Variants in ANPEP observed in about 807,000 individuals in gnomAD.
ANPEP encodes the protein aminopeptidase N.
A neutral mutation model predicts 114.6 loss-of-function variants in ANPEP; 70 were observed. The observed-to-expected ratio is 0.61, with a 90% CI of 0.50 to 0.75. ANPEP has a LOEUF of 0.75. Ranked by LOEUF, ANPEP falls within the 30% of genes least tolerant of loss-of-function variation. The pLI, the probability that ANPEP is intolerant of heterozygous loss-of-function variation, is 0.00. For missense variants in ANPEP, 1,184 were observed against 1,259.5 expected (o/e 0.94, Z 0.91); for synonymous variants, 548 against 522.3 (o/e 1.05, Z -0.67).
At chr15:89,805,267 C>G (rs755439555) in intron 3 of ANPEP, 50 bp from the exon 4 acceptor site, 1 of 1,613,162 alleles carries the variant, frequency 6.2e-7, no homozygotes, top group South Asian at 1.1e-5. Flanking sequence ...GCCCCACACC[C>G]CAGCCCAGGG....
intron 14 of ANPEP, among the ~76,000 whole-genome samples, chr15:89,798,125 C>A (rs1007733593): frequency 6.6e-6 from 1 of 152,242 alleles, no homozygotes; most frequent in African/African-American, 2.4e-5. Flanking sequence ...TTTCTGGGCA[C>A]TCTAGGCCTT....
At chr15:89,805,858 G>C (rs1048626528) in intron 2 of ANPEP, 112 bp downstream of exon 2, 1 of 1,416,196 alleles carries the variant, frequency 7.1e-7, no homozygotes, top group Non-Finnish European at 9.5e-7. Flanking sequence ...GGCCAGTCTC[G>C]GGCTCCACAG....
rs1555442929 is a variant in ANPEP, at chr15:89,813,997, G to GC, written c.-224+774_-224+775insG. Among the ~76,000 whole-genome samples, 6 of 125,116 alleles carry GC rather than the reference G, an allele frequency of 4.8e-5. No homozygotes were observed. In the East Asian group the frequency reaches 3.5e-3, roughly 72 times the overall value. 82.1% of individuals were successfully genotyped at this position (125,116 alleles called of 152,430 possible). ...TCCCTGCCCACCGCACTGCTGGGGG[G>GC]GGGGGGTGCGTTCTGGAGTCATTTG... On this transcript the variant is annotated intron_variant, in intron 1 of 20. Coordinates refer to ENST00000300060, the MANE Select transcript of ANPEP (RefSeq NM_001150.3).
chr15:89,785,485 T>G lies in ANPEP; in HGVS notation c.2768A>C (p.Lys923Thr), dbSNP rs373721139. 3 of 1,613,900 alleles carry G rather than the reference T, an allele frequency of 1.9e-6. No individual in the cohort carries two copies. Among genetic ancestry groups the G allele is most frequent in the Non-Finnish European group, 2.5e-6 (3 of 1,179,894 alleles). ...YELQQLEQFK[K>T]DNEETGFGSG... ...GCCGAAGCCTGTTTCCTCGTTGTCC[T>G]TCTTGAACTGCTCCAGCTGCCAGAA... The change falls in exon 21 of 21, where the codon AAG becomes ACG. Residue 923 changes from lysine to threonine, a missense_variant. Transcript: ENST00000300060.
chr15:89,797,186 A>G (rs371980923), intron 15 of ANPEP, among the ~76,000 whole-genome samples: 2 of 152,358 alleles, frequency 1.3e-5, no homozygotes, highest in Admixed American at 6.5e-5. Flanking sequence ...GGGTTGCCCA[A>G]GGCCACACAG....
In ANPEP at chr15:89,803,943, G is replaced by C; in HGVS notation, c.1239C>G (p.Phe413Leu). Residue 413 changes from phenylalanine to leucine, a missense_variant, in exon 7 of 21, where the codon TTC (phenylalanine) becomes TTG (leucine). Coordinates refer to ENST00000300060, the MANE Select transcript of ANPEP (RefSeq NM_001150.3). The surrounding 1 kb of genome is among the most constrained non-coding windows in gnomAD (Gnocchi z 4.2). ...CACCCAGGTACTCCACGTAGGAGGCGAAGCCCTCGTTCAGCCACAGGTCAT... is the reference window on the plus strand; with the variant it reads ...CACCCAGGTACTCCACGTAGGAGGCCAAGCCCTCGTTCAGCCACAGGTCAT... Reference protein sequence around the residue: ...WWNDLWLNEGFASYVEYLGAD... With the variant: ...WWNDLWLNEGLASYVEYLGAD... The C allele has an allele frequency of 6.2e-7, 1 of 1,614,158 alleles. No homozygotes were observed. The highest frequency in any genetic ancestry group is 8.5e-7 in the Non-Finnish European group (1 of 1,180,026).
Position 89,785,151 on chromosome 15 carries a change from G to C in ANPEP, c.*198C>G, listed in dbSNP as rs1248387916. Reference sequence around the variant, plus strand: ...GGCGGGGTTGGCATGAGGGGCAGGGGCTGGGAGGTGCTCAGGCAGCCTGGG... The same window carrying C: ...GGCGGGGTTGGCATGAGGGGCAGGGCCTGGGAGGTGCTCAGGCAGCCTGGG... On this transcript the variant is annotated 3_prime_UTR_variant, in exon 21 of 21. Coordinates refer to ENST00000300060, the MANE Select transcript of ANPEP (RefSeq NM_001150.3). 3 of 664,526 alleles carry C rather than the reference G, an allele frequency of 4.5e-6. No individual in the cohort carries two copies. Among genetic ancestry groups the C allele is most frequent in the Middle Eastern group, 4.3e-4 (1 of 2,322 alleles). The allele number at this position is 664,526 out of a possible 1,614,324, so 41.2% of individuals were successfully genotyped here. A position where few individuals can be genotyped will look rare whatever the true frequency, so the allele number is the denominator to read the frequency against.
At chr15:89,790,614 T>C in intron 19 of ANPEP, 73 bp from the exon 20 acceptor site, 3 of 1,340,636 alleles carry the variant, frequency 2.2e-6, no homozygotes, top group Non-Finnish European at 3.2e-6. Context: ...ACCTACTGGG[T>C]AGGGAGCCAT....
In ANPEP at chr15:89,792,173, A is replaced by G; in HGVS notation, c.2515T>C (p.Trp839Arg). Residue 839 changes from tryptophan to arginine, a missense_variant, in exon 18 of 21, where the codon TGG (tryptophan) becomes CGG (arginine). Transcript: ENST00000300060. ...GCCAAGACTCACCTGTTCAGGATCC[A>G]CAACTCTTTGCTGCAGGCCAGGGCT... ...RAALACSKEL[W>R]ILNRYLSYTL... The G allele has an allele frequency of 6.2e-7, 1 of 1,614,088 alleles. No individual in the cohort carries two copies. Among genetic ancestry groups the G allele is most frequent in the Middle Eastern group, 1.6e-4 (1 of 6,062 alleles).
chr15:89,804,195 G>T (rs1894658201), intron 6 of ANPEP, 58 bp downstream of exon 6: 2 of 1,604,156 alleles, frequency 1.2e-6, no homozygotes, highest in Admixed American at 3.4e-5. Context: ...CTGGACTTGC[G>T]CCGTCTCCTC....
At chr15:89,800,135 CT>C (rs1483614089) in intron 12 of ANPEP, among the ~76,000 whole-genome samples, 1 of 152,208 alleles carries the variant, frequency 6.6e-6, no homozygotes, top group Non-Finnish European at 1.5e-5. Context: ...AGCTTTATCT[CT>C]TGGGCACACC....
chr15:89,801,345 G>A, intron 11 of ANPEP, 90 bp downstream of exon 11: 1 of 1,562,686 alleles, frequency 6.4e-7, no homozygotes, highest in Non-Finnish European at 8.7e-7. Flanking sequence ...CTGGGGCTGG[G>A]ACCACAGGAG....
chr15:89,810,042 G>A (rs180882295), intron 1 of ANPEP, among the ~76,000 whole-genome samples: 9 of 152,156 alleles, frequency 5.9e-5, no homozygotes, highest in Admixed American at 3.3e-4. Context: ...TCCCCTCTGC[G>A]CTTCCCCAGT....
In ANPEP at chr15:89,785,475, C is replaced by A; in HGVS notation, c.2778G>T (p.Glu926Asp). The change falls in exon 21 of 21, where the codon GAG becomes GAT. Residue 926 changes from glutamate to aspartate, a missense_variant. Transcript: ENST00000300060. ...QQLEQFKKDN[E>D]ETGFGSGTRA... ...GGGTGCCTGAGCCGAAGCCTGTTTCCTCGTTGTCCTTCTTGAACTGCTCCA... is the reference window on the plus strand; with the variant it reads ...GGGTGCCTGAGCCGAAGCCTGTTTCATCGTTGTCCTTCTTGAACTGCTCCA... The A allele has an allele frequency of 6.2e-7, 1 of 1,614,034 alleles. No individual in the cohort carries two copies.
At position 89,792,312 on chromosome 15, in the gene ANPEP, C is replaced by A. The variant is rs1968646044; in HGVS notation, c.2376G>T (p.Leu792=). ...NPNNNPIHPN[L]RSTVYCNAIA... is the part of the protein sequence containing the mutation. ...TAGCGTTGCAGTAGACGGTGGACCG[C>A]AGGTTGGGGTGGATCCTGGTGTGGG... Residue 792 remains leucine (L), a synonymous_variant, in exon 18 of 21, where the codon CTG becomes CTT. Transcript: ENST00000300060. The A allele has an allele frequency of 1.2e-6, 2 of 1,614,154 alleles. No homozygotes were observed. The highest frequency in any genetic ancestry group is 1.7e-6 in the Non-Finnish European group (2 of 1,180,022).
chr15:89,801,283 C>T, intron 11 of ANPEP, 96 bp from the exon 12 acceptor site: 2 of 1,552,186 alleles, frequency 1.3e-6, no homozygotes, highest in Non-Finnish European at 1.8e-6. Context: ...CCAGCTCTGG[C>T]ACCGAGTGCC....
In ANPEP at chr15:89,807,418, C is replaced by T. The variant is rs141347652; in HGVS notation, c.-223-612G>A. ...TAGTAGAATGATTAAAAATCATTCCCGGCTGGGCGTGGTGGCTCACGCCTG... is the reference window on the plus strand; with the variant it reads ...TAGTAGAATGATTAAAAATCATTCCTGGCTGGGCGTGGTGGCTCACGCCTG... On this transcript the variant is annotated intron_variant, in intron 1 of 20. Transcript: ENST00000300060. Among the ~76,000 whole-genome samples, 190 of 152,240 alleles carry T rather than the reference C, an allele frequency of 1.2e-3. 1 individual carries two copies. The East Asian group carries it at 0.03, about 24-fold the overall frequency.
At chr15:89,809,080 C>T (rs935864781) in intron 1 of ANPEP, among the ~76,000 whole-genome samples, 5 of 152,178 alleles carry the variant, frequency 3.3e-5, no homozygotes, top group East Asian at 3.9e-4. Flanking sequence ...AAGGGGCAAT[C>T]GTGCGAAATC....
At chr15:89,796,131 C>T (rs1051216877) in intron 15 of ANPEP, among the ~76,000 whole-genome samples, 3 of 152,152 alleles carry the variant, frequency 2.0e-5, no homozygotes, top group Non-Finnish European at 4.4e-5. Context: ...CAGGAGGATC[C>T]CTTGAGCCTA....
Sources: allele counts gnomAD v4.1 joint callset (sites outside exome capture counted in the v4.1 genomes callset), GRCh38; gene constraint gnomAD v4.1.1; non-coding constraint Gnocchi (gnomAD v3.1); transcripts MANE v1.5; gene names NCBI Gene and HGNC (gene_info 2026-07-23, HGNC 2026-07-21).